The following INTS7 variants were observed in gnomAD, a reference collection of about 807,000 sequenced individuals.
INTS7 encodes the protein integrator complex subunit 7.
In INTS7, 46 loss-of-function variants were observed where a neutral mutation model predicts 109.2. The observed-to-expected ratio is 0.42, with a 90% CI of 0.33 to 0.54. The LOEUF is 0.54. INTS7 is among the 20% of genes least tolerant of loss of function. INTS7 has a pLI of 0.07. For synonymous variants in INTS7, 412 were observed against 402.9 expected (o/e 1.02, Z -0.27); for missense variants, 929 against 1,132.4 (o/e 0.82, Z 2.58).
chr1:212,012,334 CTGATT>C (rs1164927281), intron 4 of INTS7, among the ~76,000 whole-genome samples: 2 of 152,050 alleles, frequency 1.3e-5, no homozygotes, highest in East Asian at 1.9e-4. Flanking sequence ...GCTTGTTACT[CTGATT>C]TAATATCCAA....
rs1216737903 is a variant in INTS7 at position 211,942,607 on chromosome 1, A to G, written c.2602-496T>C. Among the ~76,000 whole-genome samples the G allele has an allele frequency of 6.6e-6, 1 of 152,220 alleles. No homozygotes were observed. On this transcript the variant is annotated intron_variant, in intron 19 of 19. Transcript: ENST00000366994. This position sits in a 1 kb window ranked among gnomAD's most constrained non-coding sequence, Gnocchi z 4.2. Reference sequence around the variant, plus strand: ...AATTTAAGTTAGGTTCCCCCCCAACAGTTAGTCTGATTTTTATTACTTAAT... The same window carrying G: ...AATTTAAGTTAGGTTCCCCCCCAACGGTTAGTCTGATTTTTATTACTTAAT...
intron 7 of INTS7, among the ~76,000 whole-genome samples, chr1:212,003,118 G>C (rs1445420507): frequency 6.6e-6 from 1 of 152,004 alleles, no homozygotes; most frequent in Non-Finnish European, 1.5e-5. Flanking sequence ...CAGAAGAAAA[G>C]GTGAGAAAAA....
intron 13 of INTS7, among the ~76,000 whole-genome samples, chr1:211,970,543 T>C (rs891715293): frequency 5.3e-5 from 8 of 152,202 alleles, no homozygotes; most frequent in Admixed American, 2.0e-4. Flanking sequence ...TTTTACCTCA[T>C]ATTGACCTTA....
intron 16 of INTS7, among the ~76,000 whole-genome samples, chr1:211,960,559 CAATA>C (rs1663575821): frequency 6.6e-6 from 1 of 151,970 alleles, no homozygotes; most frequent in Non-Finnish European, 1.5e-5. Flanking sequence ...CTAAGAAGCA[CAATA>C]AAATTATACA....
intron 9 of INTS7, among the ~76,000 whole-genome samples, chr1:211,982,046 C>G (rs1664693092): frequency 6.6e-6 from 1 of 152,164 alleles, no homozygotes; most frequent in Non-Finnish European, 1.5e-5. Flanking sequence ...AGAGGAACCA[C>G]TGAGCTTGTA....
intron 7 of INTS7, among the ~76,000 whole-genome samples, chr1:212,005,074 G>C (rs1427394334): frequency 6.6e-6 from 1 of 152,182 alleles, no homozygotes; most frequent in African/African-American, 2.4e-5. Flanking sequence ...TGAACTGGGA[G>C]ACAAACAGAA....
chr1:211,944,651 C>T, intron 19 of INTS7, 133 bp downstream of exon 19: 2 of 709,610 alleles, frequency 2.8e-6, no homozygotes, highest in East Asian at 5.3e-5. Context: ...CCAATGTGGG[C>T]TTTTAATTTA....
chr1:211,968,876 A>G (rs926433733), intron 13 of INTS7, among the ~76,000 whole-genome samples, 169 bp from the exon 14 acceptor site: 1 of 152,196 alleles, frequency 6.6e-6, no homozygotes, highest in Non-Finnish European at 1.5e-5. Context: ...AATGAAAAAT[A>G]TTGTTATTAA....
chr1:211,970,063 G>A (rs1571861496), intron 13 of INTS7, among the ~76,000 whole-genome samples: 1 of 152,142 alleles, frequency 6.6e-6, no homozygotes. Context: ...TCACTATGTT[G>A]CTCAGGCTGG....
Position 211,978,303 on chromosome 1 carries a change from C to T in INTS7, c.1439G>A (p.Arg480Gln), listed in dbSNP as rs749139142. 8.1e-6 allele frequency: 13 copies of T among 1,614,048 alleles called. No homozygotes were observed. The highest frequency in any genetic ancestry group is 1.6e-4 in the Middle Eastern group (1 of 6,084). Residue 480 changes from arginine (R) to glutamine (Q), a missense_variant, in exon 11 of 20, where the codon CGA (arginine) becomes CAA (glutamine). By Grantham distance (43) the Arg-to-Gln change is conservative. Transcript: ENST00000366994. ...TTCTTGTTGCTTGTCTGTGGCTGAT[C>T]GTCCAATCACCTTGTACAGCTCCAT... ...DLMELYKVIG[R>Q]SATDKQQELL...
At chr1:211,967,656 C>A (rs1284668199) in intron 15 of INTS7, among the ~76,000 whole-genome samples, 1 of 151,896 alleles carries the variant, frequency 6.6e-6, no homozygotes, top group Non-Finnish European at 1.5e-5. Context: ...GATGCTCTTT[C>A]TGGATATAAA....
rs530759661 is a variant in INTS7 at position 211,942,073 on chromosome 1, C to A, written c.2640G>T (p.Arg880Ser). 12 of 1,613,974 alleles carry A rather than the reference C, an allele frequency of 7.4e-6. No homozygotes were observed. Among genetic ancestry groups the A allele is most frequent in the African/African-American group, 1.3e-5 (1 of 74,896 alleles). Residue 880 changes from arginine (R) to serine (S), a missense_variant, in exon 20 of 20, where the codon AGG becomes AGT. Transcript: ENST00000366994. The surrounding 1 kb of genome is among the most constrained non-coding windows in gnomAD (Gnocchi z 4.2). ...IDNMTNEMEQ[R>S]VEPHNDYFST... ...TGAAGTAATCATTATGAGGTTCAAC[C>A]CTTTGCTCCATCTCATTGGTCATGT...
rs1165612101 is a variant in INTS7, at chr1:212,014,465, C to CAAAA, written c.509+2417_509+2420dup. 2.9e-3 allele frequency among the ~76,000 whole-genome samples: 81 copies of CAAAA among 28,112 alleles called. 8 individuals are homozygous for CAAAA. The highest frequency in any genetic ancestry group is 0.011 in the African/African-American group (79 of 7,390). The allele number at this position is 28,112 out of a possible 152,430, so 18.4% of individuals were successfully genotyped here. A position where few individuals can be genotyped will look rare whatever the true frequency, so the allele number is the denominator to read the frequency against. ...GGATGACAAGAGCAAAACTCCATCT[C>CAAAA]AAAAAAAAAAAAAAAAAAAAAAAAG... On this transcript the variant is annotated intron_variant, in intron 4 of 19. Transcript: ENST00000366994.
intron 10 of INTS7, among the ~76,000 whole-genome samples, chr1:211,979,772 T>C (rs547275112): frequency 6.6e-6 from 1 of 152,338 alleles, no homozygotes; most frequent in Admixed American, 6.5e-5. Context: ...TCAAACAATC[T>C]TTCCTCATTA....
In INTS7 at chr1:212,035,327, C is replaced by T; in HGVS notation, c.94+17G>A. 1 of 1,556,312 alleles carries T rather than the reference C, an allele frequency of 6.4e-7. No individual in the cohort carries two copies. Among genetic ancestry groups the T allele is most frequent in the Non-Finnish European group, 8.9e-7 (1 of 1,127,384 alleles). ...CCCCACGCCTGTTTCACCCATTCAG[C>T]CCTCTCTTTCGAATACCTTTGTCCA... On this transcript the variant is annotated intron_variant, in intron 1 of 19. Transcript: ENST00000366994.
chr1:211,994,778 T>A (rs543078549), intron 7 of INTS7, among the ~76,000 whole-genome samples: 1 of 150,296 alleles, frequency 6.7e-6, no homozygotes, highest in Non-Finnish European at 1.5e-5. Flanking sequence ...AAAAAGTATG[T>A]TCAATTAAAA....
intron 3 of INTS7, among the ~76,000 whole-genome samples, chr1:212,019,007 T>C (rs1404454819): frequency 1.3e-5 from 2 of 152,172 alleles, no homozygotes; most frequent in East Asian, 1.9e-4. Context: ...CCCAACAATA[T>C]GGGAGGCCGA....
At chr1:212,018,645 C>G (rs1025233649) in intron 3 of INTS7, among the ~76,000 whole-genome samples, 7 of 151,948 alleles carry the variant, frequency 4.6e-5, no homozygotes, top group African/African-American at 1.7e-4. Flanking sequence ...AGATTTTTTT[C>G]TGAGCCTATA....
intron 7 of INTS7, among the ~76,000 whole-genome samples, chr1:212,000,510 T>C (rs1163100914): frequency 6.6e-6 from 1 of 152,190 alleles, no homozygotes; most frequent in Non-Finnish European, 1.5e-5. Flanking sequence ...TCTGTCAAAG[T>C]ATTCAAAAAG....
Sources: gnomAD v4.1 joint callset for allele counts (sites outside exome capture counted in the v4.1 genomes callset) on GRCh38, gnomAD v4.1.1 for gene constraint, Gnocchi (gnomAD v3.1) non-coding constraint, MANE v1.5 for transcripts, NCBI Gene and HGNC (gene_info 2026-07-23, HGNC 2026-07-21) for gene names.